The following QKI variants were observed in gnomAD, a reference collection of about 807,000 sequenced individuals.
The protein encoded by QKI is QKI, KH domain containing RNA binding, also known as KH domain-containing RNA-binding protein QKI.
A neutral mutation model predicts 39.0 loss-of-function variants in QKI; 10 were observed. The observed-to-expected ratio is 0.26, with a 90% CI of 0.16 to 0.43. QKI has a LOEUF of 0.43. Ranked by LOEUF, QKI falls within the 20% of genes least tolerant of loss-of-function variation. The pLI, the probability that QKI is intolerant of heterozygous loss-of-function variation, is 1.00. For missense variants in QKI, 218 were observed against 428.0 expected, an observed-to-expected ratio of 0.51 and a Z score of 4.33; for synonymous variants, 204 against 155.4, an observed-to-expected ratio of 1.31 and a Z score of -2.33.
chr6:163,467,931 AGTG>A (rs1297888441), intron 2 of QKI, among the ~76,000 whole-genome samples: 4 of 149,132 alleles, frequency 2.7e-5, no homozygotes, highest in African/African-American at 1.0e-4. Flanking sequence ...CTTTCAACTC[AGTG>A]GTGGGTTTAT....
intron 3 of QKI, among the ~76,000 whole-genome samples, chr6:163,500,416 A>G (rs1778689467): frequency 6.6e-6 from 1 of 152,180 alleles, no homozygotes; most frequent in Admixed American, 6.5e-5. Flanking sequence ...CCATGCTGTT[A>G]GAATTCTTCA....
intron 1 of QKI, among the ~76,000 whole-genome samples, chr6:163,430,946 C>T (rs1788776532): frequency 1.3e-5 from 2 of 152,124 alleles, no homozygotes; most frequent in South Asian, 4.1e-4. Flanking sequence ...CCAGGATTTG[C>T]AGTCAAGAAA....
At chr6:163,419,842 A>G (rs1008550867) in intron 1 of QKI, among the ~76,000 whole-genome samples, 3 of 152,196 alleles carry the variant, frequency 2.0e-5, no homozygotes, top group African/African-American at 7.2e-5. Flanking sequence ...TGGGATGAAC[A>G]CTTTTTCTTA....
chr6:163,431,175 C>A (rs1219139352), intron 1 of QKI, among the ~76,000 whole-genome samples: 1 of 151,572 alleles, frequency 6.6e-6, no homozygotes, highest in African/African-American at 2.4e-5. Flanking sequence ...AATCAAAGTA[C>A]CCCTTGGAAA....
intron 2 of QKI, among the ~76,000 whole-genome samples, chr6:163,462,501 ATTG>A (rs1791429127): frequency 6.6e-6 from 1 of 152,232 alleles, no homozygotes; most frequent in Admixed American, 6.5e-5. Context: ...TCTATCCTGT[ATTG>A]TTTGGGGTTA....
At chr6:163,476,047 CA>C (rs1355096019) in intron 2 of QKI, among the ~76,000 whole-genome samples, 1 of 151,944 alleles carries the variant, frequency 6.6e-6, no homozygotes, top group South Asian at 2.1e-4. Flanking sequence ...AAATGTCCTT[CA>C]AAAAATGCAT....
At chr6:163,441,752 G>A (rs1043387580) in intron 1 of QKI, among the ~76,000 whole-genome samples, 1 of 152,198 alleles carries the variant, frequency 6.6e-6, no homozygotes, top group Non-Finnish European at 1.5e-5. Flanking sequence ...TTGGGGAAAA[G>A]CTTTCCAAGG....
chr6:163,416,797 A>T (rs909702656), intron 1 of QKI, among the ~76,000 whole-genome samples: 1 of 152,202 alleles, frequency 6.6e-6, no homozygotes, highest in Non-Finnish European at 1.5e-5. Context: ...TGGAACAGCA[A>T]ATCTGTTAAT....
chr6:163,417,076 A>G (rs1458468996), intron 1 of QKI, among the ~76,000 whole-genome samples: 2 of 152,222 alleles, frequency 1.3e-5, no homozygotes, highest in African/African-American at 4.8e-5. Flanking sequence ...CTTAAGTTAT[A>G]GATTATTTGA....
intron 4 of QKI, among the ~76,000 whole-genome samples, chr6:163,550,149 A>T (rs1782136342): frequency 6.6e-6 from 1 of 152,210 alleles, no homozygotes; most frequent in Admixed American, 6.5e-5. Flanking sequence ...TTTCTTTGTT[A>T]TGGAGGCTGG....
At chr6:163,523,735 G>A (rs1283895343) in intron 3 of QKI, among the ~76,000 whole-genome samples, 3 of 152,178 alleles carry the variant, frequency 2.0e-5, no homozygotes, top group Non-Finnish European at 2.9e-5. Flanking sequence ...CATAAAAGAT[G>A]TGCAAGTTCA....
At position 163,431,811 on chromosome 6, in the gene QKI, A is replaced by AC. The variant is rs1340626076; in HGVS notation, c.142+16476_142+16477insC. Among the ~76,000 whole-genome samples, 6 of 133,918 alleles carry AC rather than the reference A, an allele frequency of 4.5e-5. No homozygotes were observed. The East Asian group carries it at 6.7e-4, about 15-fold the overall frequency. 87.9% of individuals were successfully genotyped at this position (133,918 alleles called of 152,430 possible). A position where few individuals can be genotyped will look rare whatever the true frequency, so the allele number is the denominator to read the frequency against. ...CCTAAAGATTTTTGTAAAAAAAAAA[A>AC]AACAAAAAACTGTTCTTATTAAAAA... On this transcript the variant is annotated intron_variant, in intron 1 of 7. Coordinates refer to ENST00000361752, the MANE Select transcript of QKI (RefSeq NM_006775.3).
At chr6:163,494,498 G>GACACGC (rs2128229425) in intron 3 of QKI, among the ~76,000 whole-genome samples, 1 of 152,280 alleles carries the variant, frequency 6.6e-6, no homozygotes, top group South Asian at 2.1e-4. Flanking sequence ...CGGTCATTCA[G>GACACGC]ACACGCACAC....
At chr6:163,415,912 T>G in intron 1 of QKI, 1 of 513,364 alleles carries the variant, frequency 1.9e-6, no homozygotes, top group Admixed American at 2.0e-5. Context: ...GTGGGGCTCG[T>G]TAGTTTAAAG....
chr6:163,445,750 G>A (rs1182555549), intron 1 of QKI, among the ~76,000 whole-genome samples: 1 of 152,052 alleles, frequency 6.6e-6, no homozygotes, highest in Non-Finnish European at 1.5e-5. Flanking sequence ...GAGTAGCTGG[G>A]ACTACAGGCG....
intron 2 of QKI, among the ~76,000 whole-genome samples, chr6:163,478,383 G>C (rs1737601): frequency 0.79 from 119,563 of 152,118 alleles, 47,141 homozygotes; most frequent in East Asian, 1. Flanking sequence ...AAAGGGCAGT[G>C]CCTAACAATT....
chr6:163,536,503 C>A (rs1275375535), intron 4 of QKI, among the ~76,000 whole-genome samples: 1 of 152,148 alleles, frequency 6.6e-6, no homozygotes, highest in African/African-American at 2.4e-5. Context: ...TTGAAAGTTA[C>A]ACAAGGATCT....
intron 4 of QKI, among the ~76,000 whole-genome samples, chr6:163,560,664 T>G (rs1423751166): frequency 6.6e-6 from 1 of 152,208 alleles, no homozygotes. Context: ...GGGCTTAACT[T>G]GAGAGGATAT....
intron 3 of QKI, among the ~76,000 whole-genome samples, chr6:163,523,511 A>G (rs1780287362): frequency 6.6e-6 from 1 of 152,188 alleles, no homozygotes; most frequent in Admixed American, 6.5e-5. Context: ...ACAGTTTAGC[A>G]TTTGTTTAAT....
Sources: allele counts gnomAD v4.1 joint callset (sites outside exome capture counted in the v4.1 genomes callset), GRCh38; gene constraint gnomAD v4.1.1; transcripts MANE v1.5; gene names NCBI Gene and HGNC (gene_info 2026-07-23, HGNC 2026-07-21).